The following BAZ2B variants were observed in gnomAD, a reference collection of about 807,000 sequenced individuals.
The protein encoded by BAZ2B is bromodomain adjacent to zinc finger domain 2B, also known as bromodomain adjacent to zinc finger domain protein 2B.
In BAZ2B, 91 loss-of-function variants were observed where a neutral mutation model predicts 246.0. The observed-to-expected ratio is 0.37, with a 90% CI of 0.31 to 0.44. BAZ2B has a LOEUF of 0.44. Among genes scored for constraint, BAZ2B ranks in the 20% least tolerant of loss-of-function variants. The probability of loss-of-function intolerance (pLI) is 1.00; values close to 1 mark genes in which losing one functional copy is unlikely to be tolerated. For missense variants in BAZ2B, 2,332 were observed against 2,533.7 expected, an observed-to-expected ratio of 0.92 and a Z score of 1.71; for synonymous variants, 855 against 860.0, an observed-to-expected ratio of 0.99 and a Z score of 0.10.
chr2:159,435,886 G>T (rs2072192722), intron 8 of BAZ2B, among the ~76,000 whole-genome samples: 1 of 152,170 alleles, frequency 6.6e-6, no homozygotes, highest in African/African-American at 2.4e-5. Context: ...TATTAGTTTA[G>T]AAAATTGTTA....
intron 2 of BAZ2B, among the ~76,000 whole-genome samples, chr2:159,515,995 T>G (rs1286732892): frequency 6.6e-6 from 1 of 152,062 alleles, no homozygotes; most frequent in Non-Finnish European, 1.5e-5. Context: ...TTAATATCAT[T>G]TATCATTTCA....
intron 25 of BAZ2B, among the ~76,000 whole-genome samples, chr2:159,376,297 A>T (rs1159227315): frequency 6.6e-6 from 1 of 152,140 alleles, no homozygotes; most frequent in Non-Finnish European, 1.5e-5. Flanking sequence ...GAAAAATAAC[A>T]ACTTGTTTTT....
chr2:159,699,400 G>C, the BAZ2B span, among the ~76,000 whole-genome samples: 8 of 152,154 alleles, frequency 5.3e-5, no homozygotes, highest in South Asian at 1.7e-3. Context: ...AGCTGAGTGT[G>C]GTGGTGCAGG....
intron 27 of BAZ2B, among the ~76,000 whole-genome samples, chr2:159,358,310 A>G (rs752009498): frequency 6.6e-6 from 1 of 152,244 alleles, no homozygotes; most frequent in Non-Finnish European, 1.5e-5. Context: ...AGGGGTTGCA[A>G]TCCTAGTCTC....
At chr2:159,517,738 CTG>C (rs1453206541) in intron 2 of BAZ2B, among the ~76,000 whole-genome samples, 2 of 152,130 alleles carry the variant, frequency 1.3e-5, no homozygotes, top group Non-Finnish European at 1.5e-5. Flanking sequence ...GGAGAGAAGA[CTG>C]TGCCAAGGGT....
chr2:159,514,982 C>G (rs1344408459), intron 2 of BAZ2B, among the ~76,000 whole-genome samples: 1 of 151,978 alleles, frequency 6.6e-6, no homozygotes, highest in Non-Finnish European at 1.5e-5. Context: ...TAAAATAACC[C>G]TGATAAGCAT....
intron 2 of BAZ2B, among the ~76,000 whole-genome samples, chr2:159,489,052 T>G (rs1577682521): frequency 6.6e-6 from 1 of 152,312 alleles, no homozygotes; most frequent in East Asian, 1.9e-4. Context: ...GATTAACTCA[T>G]AAAGCCTATT....
rs561647209 is a variant in BAZ2B, at chr2:159,373,027, C to T, written c.4213+18G>A. On this transcript the variant is annotated intron_variant, in intron 27 of 36. Coordinates refer to ENST00000392783, the MANE Select transcript of BAZ2B (RefSeq NM_013450.4). Reference sequence around the variant, plus strand: ...TAGTTTCTTATTTAACAATTTGTATCGGATTATGAGTTCTAACCTTCACCA... The same window carrying T: ...TAGTTTCTTATTTAACAATTTGTATTGGATTATGAGTTCTAACCTTCACCA... 19 of 1,585,810 alleles carry T rather than the reference C, an allele frequency of 1.2e-5. No individual in the cohort carries two copies. The highest frequency in any genetic ancestry group is 1.7e-4 in the Middle Eastern group (1 of 5,902).
chr2:159,320,395 G>C lies in BAZ2B; in HGVS notation c.6377C>G (p.Ala2126Gly), dbSNP rs2062567259. Reference protein sequence around the residue: ...SGQYPNLETFALDVRLVFDNC... With the variant: ...SGQYPNLETFGLDVRLVFDNC... ...GTCAAAAACAAGCCTGACATCTAGA[G>C]CAAAGGTTTCAAGGTTTGGATACCT... Residue 2126 changes from alanine to glycine, a missense_variant, in exon 37 of 37, where the codon GCT becomes GGT. Around this residue, in one of 9 missense-constraint regions of BAZ2B, gnomAD observed 210 missense variants for 232.5 expected, o/e 0.90. Transcript: ENST00000392783. The C allele has an allele frequency of 6.4e-7, 1 of 1,572,430 alleles. No individual in the cohort carries two copies. The highest frequency in any genetic ancestry group is 1.4e-5 in the African/African-American group (1 of 71,878).
At chr2:159,444,230 G>C (rs1383996649) in intron 6 of BAZ2B, 2 of 152,084 alleles carry the variant, frequency 1.3e-5, no homozygotes, top group Non-Finnish European at 2.9e-5. Context: ...AACAGGTGGA[G>C]AGTATGACAC....
intron 2 of BAZ2B, among the ~76,000 whole-genome samples, chr2:159,517,694 A>G (rs765024121): frequency 6.6e-6 from 1 of 152,180 alleles, no homozygotes; most frequent in Non-Finnish European, 1.5e-5. Flanking sequence ...ATAGAACAAA[A>G]CAGAATGATA....
chr2:159,333,586 C>T (rs1558983900), intron 33 of BAZ2B, among the ~76,000 whole-genome samples: 2 of 149,680 alleles, frequency 1.3e-5, no homozygotes, highest in Non-Finnish European at 1.5e-5. Context: ...ACTCCAGTCA[C>T]AAAAAAAAAT....
intron 2 of BAZ2B, among the ~76,000 whole-genome samples, chr2:159,494,804 A>C (rs2151048162): frequency 6.6e-6 from 1 of 152,366 alleles, no homozygotes; most frequent in Admixed American, 6.5e-5. Context: ...CCTTTCAGAA[A>C]GCATTTGCCA....
At chr2:159,428,111 C>T (rs2070330471) in intron 12 of BAZ2B, 69 bp from the exon 13 acceptor site, 1 of 1,387,696 alleles carries the variant, frequency 7.2e-7, no homozygotes, top group Non-Finnish European at 1.0e-6. Context: ...GTATAGCTAG[C>T]TTCAGGACAC....
At chr2:159,603,952 A>G (rs115132573) in intron 1 of BAZ2B, among the ~76,000 whole-genome samples, 92 of 152,368 alleles carry the variant, frequency 6.0e-4, no homozygotes, top group African/African-American at 2.1e-3. Flanking sequence ...TCAACATAAA[A>G]CAAACTAATA....
intron 2 of BAZ2B, among the ~76,000 whole-genome samples, chr2:159,533,218 T>G (rs2085559313): frequency 6.6e-6 from 1 of 152,146 alleles, no homozygotes; most frequent in Non-Finnish European, 1.5e-5. Flanking sequence ...GTTGTTATCT[T>G]GTTGTGGGAA....
chr2:159,479,113 C>A (rs2078962985), intron 2 of BAZ2B, among the ~76,000 whole-genome samples: 1 of 152,146 alleles, frequency 6.6e-6, no homozygotes, highest in South Asian at 2.1e-4. Context: ...AACACCACCA[C>A]ATTTGAATGG....
chr2:159,350,112 G>C lies in BAZ2B; in HGVS notation c.4459C>G (p.Pro1487Ala). Residue 1487 changes from proline (P) to alanine (A), a missense_variant, in exon 28 of 37, where the codon CCC becomes GCC. Physicochemically the swap from Pro to Ala is conservative, Grantham distance 27 (BLOSUM62 -1). Coordinates refer to ENST00000392783, the MANE Select transcript of BAZ2B (RefSeq NM_013450.4). ...CCATTTGCACCAGCATTTGGTTTGG[G>C]GGTCATAACCTCTGACTCAGGAGGC... ...KMPPESEVMT[P>A]KPNAGANGCT... 1 of 1,614,046 alleles carries C rather than the reference G, an allele frequency of 6.2e-7. No homozygotes were observed. Among genetic ancestry groups the C allele is most frequent in the African/African-American group, 1.3e-5 (1 of 75,026 alleles).
intron 11 of BAZ2B, among the ~76,000 whole-genome samples, chr2:159,428,782 C>T (rs2070492466): frequency 6.6e-6 from 1 of 152,118 alleles, no homozygotes; most frequent in South Asian, 2.1e-4. Flanking sequence ...GGTTCACGTA[C>T]ATCCAGTCTA....
Sources: gnomAD v4.1 joint callset for allele counts (sites outside exome capture counted in the v4.1 genomes callset) on GRCh38, gnomAD v4.1.1 for gene constraint, gnomAD v4.1.1 regional missense constraint, MANE v1.5 for transcripts, NCBI Gene and HGNC (gene_info 2026-07-23, HGNC 2026-07-21) for gene names.